The following GALNTL6 variants were observed in gnomAD, a reference collection of about 807,000 sequenced individuals.
GALNTL6 encodes polypeptide N-acetylgalactosaminyltransferase like 6.
GALNTL6 carries 46 observed loss-of-function variants against 73.7 expected under a neutral mutation model. That is an observed-to-expected ratio of 0.62 (90% CI 0.49 to 0.80). GALNTL6 has a LOEUF of 0.80. Among genes scored for constraint, GALNTL6 ranks in the 30% least tolerant of loss-of-function variants. The probability of loss-of-function intolerance (pLI) is 0.00; values close to 1 mark genes in which losing one functional copy is unlikely to be tolerated. For synonymous variants in GALNTL6, 259 were observed against 263.7 expected (o/e 0.98, Z 0.17); for missense variants, 604 against 755.0 (o/e 0.80, Z 2.34).
intron 3 of GALNTL6, among the ~76,000 whole-genome samples, chr4:172,285,140 A>G (rs1739201283): frequency 6.6e-6 from 1 of 152,040 alleles, no homozygotes; most frequent in African/African-American, 2.4e-5. Flanking sequence ...TTCTCTTTAG[A>G]TCTTTCACTT....
intron 5 of GALNTL6, among the ~76,000 whole-genome samples, chr4:172,442,465 A>G (rs1245019115): frequency 6.6e-6 from 1 of 152,166 alleles, no homozygotes; most frequent in Non-Finnish European, 1.5e-5. Flanking sequence ...ATAATGCTCA[A>G]TAAGTATTTA....
chr4:172,571,824 C>T lies in GALNTL6; in HGVS notation c.553+223135C>T, dbSNP rs568101580. On this transcript the variant is annotated intron_variant, in intron 5 of 12. Coordinates refer to ENST00000506823, the MANE Select transcript of GALNTL6 (RefSeq NM_001034845.3). The stretch of plus-strand genomic sequence containing the variant: ...AACATGTTTTCATGGCCTATTTCTC[C>T]GAAGCCATGCCCCAGGCATTGTAGT... 3.0e-3 allele frequency among the ~76,000 whole-genome samples: 456 copies of T among 152,260 alleles called. 5 individuals carry two copies. The highest frequency in any genetic ancestry group is 1.0e-2 in the African/African-American group (415 of 41,536).
intron 2 of GALNTL6, among the ~76,000 whole-genome samples, chr4:172,093,836 C>T (rs901565950): frequency 6.6e-6 from 1 of 152,194 alleles, no homozygotes; most frequent in African/African-American, 2.4e-5. Context: ...ATCACTGTCT[C>T]CCATCATCGT....
At chr4:172,870,052 G>GCCA (rs763611389) in intron 7 of GALNTL6, among the ~76,000 whole-genome samples, 4 of 143,056 alleles carry the variant, frequency 2.8e-5, no homozygotes, top group African/African-American at 5.3e-5. Context: ...GACCTTTACT[G>GCCA]TCATCATCAT....
chr4:171,922,356 A>T (rs1336757672), intron 2 of GALNTL6, among the ~76,000 whole-genome samples: 3 of 152,108 alleles, frequency 2.0e-5, no homozygotes, highest in Non-Finnish European at 4.4e-5. Context: ...TTATAAAAAT[A>T]ATTCATCATT....
chr4:172,621,207 T>C (rs189669628), intron 5 of GALNTL6, among the ~76,000 whole-genome samples: 224 of 152,300 alleles, frequency 1.5e-3, no homozygotes, highest in African/African-American at 5.0e-3. Context: ...GTAGCTAGCA[T>C]GCCCAGCTAA....
chr4:172,215,874 C>T (rs539835496), intron 2 of GALNTL6, among the ~76,000 whole-genome samples: 43 of 152,148 alleles, frequency 2.8e-4, no homozygotes, highest in African/African-American at 9.6e-4. Context: ...CTTCCTTTTA[C>T]ATTTTTAATA....
chr4:171,908,567 A>G (rs1222528442), intron 2 of GALNTL6, among the ~76,000 whole-genome samples: 3 of 151,824 alleles, frequency 2.0e-5, no homozygotes, highest in Admixed American at 6.6e-5. Flanking sequence ...TAGTTCAACC[A>G]TTGTGGAAGT....
At chr4:172,956,304 G>C (rs531216918) in intron 10 of GALNTL6, among the ~76,000 whole-genome samples, 1 of 152,110 alleles carries the variant, frequency 6.6e-6, no homozygotes. Flanking sequence ...AGAATTATTG[G>C]TGATGGCCTG....
At chr4:172,481,344 G>A (rs901981595) in intron 5 of GALNTL6, among the ~76,000 whole-genome samples, 2 of 125,582 alleles carry the variant, frequency 1.6e-5, no homozygotes, top group Non-Finnish European at 3.7e-5. Flanking sequence ...AAGGCAGTGC[G>A]GACCCAAAGA....
chr4:172,306,095 T>C (rs1740127749), intron 3 of GALNTL6, among the ~76,000 whole-genome samples: 1 of 151,972 alleles, frequency 6.6e-6, no homozygotes. Context: ...AATTTGAAAA[T>C]AAAAATATGT....
intron 2 of GALNTL6, among the ~76,000 whole-genome samples, chr4:171,874,075 A>T (rs1736208935): frequency 6.6e-6 from 1 of 152,092 alleles, no homozygotes; most frequent in African/African-American, 2.4e-5. Context: ...CTGTCTATTA[A>T]CTTCCTCCTT....
Position 172,229,754 on chromosome 4 carries a change from T to A in GALNTL6, c.237T>A (p.Ala79=). 6.2e-7 allele frequency: 1 copy of A among 1,607,832 alleles called. No individual in the cohort carries two copies. The highest frequency in any genetic ancestry group is 8.5e-7 in the Non-Finnish European group (1 of 1,174,498). ...WHDYESIQKE[A]MRSGKGEHGK... ...ACTATGAAAGCATTCAGAAAGAGGC[T>A]ATGCGCTCAGGTATGAAGCTCAGTG... Residue 79 remains alanine, a synonymous_variant, in exon 3 of 13, where the codon GCT becomes GCA. Transcript: ENST00000506823.
At chr4:172,942,493 TC>T (rs1481292627) in intron 9 of GALNTL6, among the ~76,000 whole-genome samples, 2 of 152,082 alleles carry the variant, frequency 1.3e-5, no homozygotes, top group African/African-American at 4.8e-5. Context: ...AGAAATAAGG[TC>T]GTACTTCATT....
chr4:172,708,018 C>G (rs1415649810), intron 5 of GALNTL6, among the ~76,000 whole-genome samples: 1 of 152,110 alleles, frequency 6.6e-6, no homozygotes, highest in African/African-American at 2.4e-5. Flanking sequence ...ATCCTTGTCA[C>G]TTGGCTTGCA....
chr4:172,182,282 G>A lies in GALNTL6; in HGVS notation c.139-47374G>A, dbSNP rs149538468. On this transcript the variant is annotated intron_variant, in intron 2 of 12. Coordinates refer to ENST00000506823, the MANE Select transcript of GALNTL6 (RefSeq NM_001034845.3). ...AGAGGACACAAACAAATGGAGTTCT[G>A]TTTTCATTAGATGTGTCTTGGGAAC... Among the ~76,000 whole-genome samples, 635 of 152,144 alleles carry A rather than the reference G, an allele frequency of 4.2e-3. 3 individuals carry two copies. The highest frequency in any genetic ancestry group is 0.014 in the African/African-American group (590 of 41,522).
intron 5 of GALNTL6, among the ~76,000 whole-genome samples, chr4:172,757,246 T>A (rs147482116): frequency 6.6e-4 from 100 of 152,342 alleles, no homozygotes; most frequent in African/African-American, 2.2e-3. Flanking sequence ...TTCCTGGGTC[T>A]TGAGGTTTTG....
intron 2 of GALNTL6, among the ~76,000 whole-genome samples, chr4:172,113,959 C>G (rs774468412): frequency 6.6e-6 from 1 of 152,012 alleles, no homozygotes; most frequent in Non-Finnish European, 1.5e-5. Flanking sequence ...GTCTTACCAA[C>G]AAAATTATAA....
chr4:172,550,591 A>T (rs1560803053), intron 5 of GALNTL6, among the ~76,000 whole-genome samples: 1 of 152,116 alleles, frequency 6.6e-6, no homozygotes, highest in African/African-American at 2.4e-5. Context: ...GCAATTTAAA[A>T]TTTATTTTAT....
Sources: allele counts gnomAD v4.1 joint callset (sites outside exome capture counted in the v4.1 genomes callset), GRCh38; gene constraint gnomAD v4.1.1; transcripts MANE v1.5; gene names NCBI Gene and HGNC (gene_info 2026-07-23, HGNC 2026-07-21).